Variants in ERI1 observed in about 807,000 individuals in gnomAD.
ERI1 encodes the protein exoribonuclease 1.
A neutral mutation model predicts 39.7 loss-of-function variants in ERI1; 39 were observed. That is an observed-to-expected ratio of 0.98 (90% CI 0.76 to 1.28). The LOEUF (loss-of-function observed/expected upper bound fraction) is 1.28. Ranked by LOEUF, ERI1 falls within the 50% of genes most tolerant of loss-of-function variation. The pLI, the probability that ERI1 is intolerant of heterozygous loss-of-function variation, is 0.00. For synonymous variants in ERI1, 204 were observed against 149.6 expected, an observed-to-expected ratio of 1.36 and a Z score of -2.65; for missense variants, 581 against 416.9, an observed-to-expected ratio of 1.39 and a Z score of -3.43.
At chr8:9,014,160 C>T in intron 3 of ERI1, among the ~76,000 whole-genome samples, 1 of 152,176 alleles carries the variant, frequency 6.6e-6, no homozygotes, top group East Asian at 1.9e-4. Flanking sequence ...CTACTCTTTT[C>T]CTTAACTCAT....
intron 1 of ERI1, among the ~76,000 whole-genome samples, chr8:9,007,540 C>G (rs572311533): frequency 6.6e-6 from 1 of 152,152 alleles, no homozygotes; most frequent in Admixed American, 6.5e-5. Context: ...CACATAATCT[C>G]ATTTAATCTT....
chr8:9,024,669 C>A (rs1228346385), intron 6 of ERI1, among the ~76,000 whole-genome samples: 1 of 152,066 alleles, frequency 6.6e-6, no homozygotes, highest in South Asian at 2.1e-4. Flanking sequence ...AATGATCTGC[C>A]CCCCCTCGGC....
chr8:9,040,481 G>A (rs1200162329), intron 3 of ERI1, among the ~76,000 whole-genome samples: 2 of 152,140 alleles, frequency 1.3e-5, no homozygotes, highest in Non-Finnish European at 2.9e-5. Flanking sequence ...TTTGTAGAAC[G>A]GAAGAAATAG....
chr8:9,042,586 T>C (rs1798060694), intron 3 of ERI1, among the ~76,000 whole-genome samples: 1 of 152,140 alleles, frequency 6.6e-6, no homozygotes, highest in South Asian at 2.1e-4. Context: ...GCAGGCCTTC[T>C]GGGGCTTTGT....
At chr8:9,044,500 C>T (rs967402322) in intron 3 of ERI1, among the ~76,000 whole-genome samples, 1 of 152,126 alleles carries the variant, frequency 6.6e-6, no homozygotes, top group Admixed American at 6.6e-5. Context: ...AAATTGCCAA[C>T]TACCCATCAT....
chr8:9,033,725 T>A (rs1390551045), downstream of ERI1, among the ~76,000 whole-genome samples: 1 of 152,188 alleles, frequency 6.6e-6, no homozygotes, highest in Non-Finnish European at 1.5e-5. Context: ...GTTTAAGTAG[T>A]GGGAGCTGTA....
Position 9,003,288 on chromosome 8 carries a change from C to T in ERI1, c.108+117C>T, listed in dbSNP as rs1006760301. 4 of 551,492 alleles carry T rather than the reference C, an allele frequency of 7.3e-6. No homozygotes were observed. The African/African-American group carries it at 7.8e-5, about 11-fold the overall frequency. The allele number at this position is 551,492 out of a possible 1,614,324, so 34.2% of individuals were successfully genotyped here. On this transcript the variant is annotated intron_variant, in intron 1 of 6. Transcript: ENST00000250263. ...AGGTGCAGCTGTGCGCCCTTGGACCCCAGCCTCTTCCTCGGTGCCCAGCTC... is the reference window on the plus strand; with the variant it reads ...AGGTGCAGCTGTGCGCCCTTGGACCTCAGCCTCTTCCTCGGTGCCCAGCTC...
At chr8:9,063,769 G>A (rs540410418) in intron 3 of ERI1, among the ~76,000 whole-genome samples, 7 of 152,250 alleles carry the variant, frequency 4.6e-5, no homozygotes, top group Middle Eastern at 3.4e-3. Flanking sequence ...TGAAAGTGCC[G>A]TTTTCTGGCT....
chr8:9,057,910 G>A (rs1407874809), intron 3 of ERI1, among the ~76,000 whole-genome samples: 2 of 152,124 alleles, frequency 1.3e-5, no homozygotes, highest in Non-Finnish European at 2.9e-5. Context: ...CAGGAAGGCC[G>A]AAACGGGGCA....
rs981525529 is a variant in ERI1, at chr8:9,002,901, G to C, written c.-163G>C. The C allele has an allele frequency of 2.0e-5, 9 of 446,292 alleles. No homozygotes were observed. Among genetic ancestry groups the C allele is most frequent in the African/African-American group, 1.6e-4 (8 of 49,450 alleles). 27.6% of individuals were successfully genotyped at this position (446,292 alleles called of 1,614,324 possible). On this transcript the variant is annotated 5_prime_UTR_variant, in exon 1 of 7. Coordinates refer to ENST00000250263, the MANE Select transcript of ERI1 (RefSeq NM_153332.4). ...CCTGCCCGGCGTGTGGACGCCACAC[G>C]CTCCCGGAAGTGGGAGGTGGCCGCT...
chr8:9,092,792 A>G (rs1396883002), intron 3 of ERI1, among the ~76,000 whole-genome samples: 1 of 152,242 alleles, frequency 6.6e-6, no homozygotes, highest in Non-Finnish European at 1.5e-5. Flanking sequence ...ATAACAAAGT[A>G]ACAGACCGGG....
intron 6 of ERI1, 106 bp from the exon 7 acceptor site, chr8:9,029,686 T>G: frequency 7.4e-7 from 1 of 1,357,802 alleles, no homozygotes; most frequent in Non-Finnish European, 1.0e-6. Context: ...CTAGCTTTAT[T>G]TAGCTGTTAG....
chr8:9,088,727 C>G (rs1799610622), intron 3 of ERI1, among the ~76,000 whole-genome samples: 1 of 152,192 alleles, frequency 6.6e-6, no homozygotes, highest in South Asian at 2.1e-4. Context: ...TTCCTTTTCA[C>G]CAGCTGAGTC....
intron 3 of ERI1, among the ~76,000 whole-genome samples, chr8:9,055,836 G>A (rs1037122231): frequency 1.3e-5 from 2 of 152,162 alleles, no homozygotes; most frequent in South Asian, 2.1e-4. Context: ...CACTGTGCCC[G>A]GGAGGAATAT....
chr8:9,097,683 AAG>A (rs1491491727), intron 3 of ERI1, among the ~76,000 whole-genome samples: 1 of 151,808 alleles, frequency 6.6e-6, no homozygotes, highest in Non-Finnish European at 1.5e-5. Flanking sequence ...AAAAAAAAAA[AAG>A]AGTAATTTAT....
chr8:9,017,591 A>T (rs947885163), intron 4 of ERI1, among the ~76,000 whole-genome samples: 1 of 152,190 alleles, frequency 6.6e-6, no homozygotes, highest in African/African-American at 2.4e-5. Context: ...GACAGAGGGA[A>T]TAGAAGACTG....
downstream of ERI1, among the ~76,000 whole-genome samples, chr8:9,035,274 A>C (rs192597797): frequency 6.6e-6 from 1 of 152,366 alleles, no homozygotes. Context: ...ATGTAGATGA[A>C]ATAGCCTATT....
At chr8:9,099,661 A>G (rs535168258) in intron 3 of ERI1, among the ~76,000 whole-genome samples, 2 of 152,096 alleles carry the variant, frequency 1.3e-5, no homozygotes, top group African/African-American at 2.4e-5. Context: ...AGCATACACT[A>G]TATACTCTTT....
At chr8:9,042,230 G>C (rs1798047671) in intron 3 of ERI1, among the ~76,000 whole-genome samples, 2 of 152,284 alleles carry the variant, frequency 1.3e-5, no homozygotes, top group African/African-American at 4.8e-5. Context: ...GCCTCACCCA[G>C]CGTATGTTTT....
Sources: allele counts gnomAD v4.1 joint callset (sites outside exome capture counted in the v4.1 genomes callset), GRCh38; gene constraint gnomAD v4.1.1; transcripts MANE v1.5; gene names NCBI Gene and HGNC (gene_info 2026-07-23, HGNC 2026-07-21).